Variants in SETD2 observed in about 807,000 individuals in gnomAD.
SETD2 encodes SET domain containing 2, histone lysine methyltransferase.
A neutral mutation model predicts 242.1 loss-of-function variants in SETD2; 31 were observed. The observed-to-expected ratio is 0.13, with a 90% CI of 0.10 to 0.17. SETD2 has a LOEUF of 0.17. Among genes scored for constraint, SETD2 ranks in the 10% least tolerant of loss-of-function variants. The pLI, the probability that SETD2 is intolerant of heterozygous loss-of-function variation, is 1.00. For synonymous variants in SETD2, 1,006 were observed against 1,066.5 expected, an observed-to-expected ratio of 0.94 and a Z score of 1.11; for missense variants, 2,481 against 3,046.3, an observed-to-expected ratio of 0.81 and a Z score of 4.37.
At position 47,120,515 on chromosome 3, in the gene SETD2, C is replaced by T. The variant is rs762222123; in HGVS notation, c.4121G>A (p.Ser1374Asn). Reference sequence around the variant, plus strand: ...AGCTAAAGTGTCCTTAATGGAATTGCTGCTTATTTCAGGTGCTTGCACTGA... The same window carrying T: ...AGCTAAAGTGTCCTTAATGGAATTGTTGCTTATTTCAGGTGCTTGCACTGA... ...KGSVQAPEISSNSIKDTLAVN... is the reference protein window; with the variant it reads ...KGSVQAPEISNNSIKDTLAVN... Residue 1374 changes from serine (S) to asparagine (N), a missense_variant, in exon 3 of 21, where the codon AGC (serine) becomes AAC (asparagine). By Grantham distance (46) the Ser-to-Asn change is conservative. Transcript: ENST00000409792. 6 of 1,613,832 alleles carry T rather than the reference C, an allele frequency of 3.7e-6. No homozygotes were observed. Among genetic ancestry groups the T allele is most frequent in the African/African-American group, 2.7e-5 (2 of 74,950 alleles).
In SETD2 at chr3:47,106,135, G is replaced by A. The variant is rs764282436; in HGVS notation, c.4716-15C>T. On this transcript the variant is annotated splice_polypyrimidine_tract_variant and intron_variant, in intron 5 of 20. Transcript: ENST00000409792. ...CAAAGGTGTTCCTGCAAACCAAAAG[G>A]AAAAAAATAGCACTTCCTACCTAGG... 3.1e-6 allele frequency: 5 copies of A among 1,603,182 alleles called. No homozygotes were observed. The African/African-American group carries it at 4.0e-5, about 13-fold the overall frequency.
At chr3:47,067,926 A>G (rs1422586513) in intron 12 of SETD2, among the ~76,000 whole-genome samples, 1 of 152,236 alleles carries the variant, frequency 6.6e-6, no homozygotes, top group East Asian at 1.9e-4. Flanking sequence ...TAAAAAATAT[A>G]AAGGATAAGC....
At chr3:47,135,439 C>A (rs2043569639) in intron 1 of SETD2, among the ~76,000 whole-genome samples, 1 of 152,130 alleles carries the variant, frequency 6.6e-6, no homozygotes, top group Non-Finnish European at 1.5e-5. Context: ...TTACGTCCAG[C>A]TAATTTTTAT....
At chr3:47,143,990 A>G (rs1575841982) in intron 1 of SETD2, among the ~76,000 whole-genome samples, 1 of 152,130 alleles carries the variant, frequency 6.6e-6, no homozygotes, top group Non-Finnish European at 1.5e-5. Flanking sequence ...GATTACAGGC[A>G]TGAGCCACTG....
chr3:47,127,042 AG>A (rs886232678), intron 1 of SETD2, among the ~76,000 whole-genome samples: 7 of 152,334 alleles, frequency 4.6e-5, no homozygotes, highest in Middle Eastern at 3.4e-3. Context: ...AACTCAGTTT[AG>A]TGGGAAAATA....
At chr3:47,078,572 T>C (rs1414595962) in intron 12 of SETD2, among the ~76,000 whole-genome samples, 1 of 136,966 alleles carries the variant, frequency 7.3e-6, no homozygotes, top group African/African-American at 2.7e-5. Flanking sequence ...TGTGAACAAC[T>C]GGCAAAATCT....
chr3:47,071,404 A>G (rs551844464), intron 12 of SETD2, among the ~76,000 whole-genome samples: 5 of 152,322 alleles, frequency 3.3e-5, no homozygotes, highest in African/African-American at 1.2e-4. Context: ...GAATGGACCA[A>G]CAAGTGAAAT....
At chr3:47,054,090 C>G (rs975778171) in intron 15 of SETD2, among the ~76,000 whole-genome samples, 2 of 152,160 alleles carry the variant, frequency 1.3e-5, no homozygotes, top group African/African-American at 4.8e-5. Context: ...AGCCCAGTAT[C>G]ATCTGATCAA....
At chr3:47,106,527 G>C (rs1174075087) in intron 5 of SETD2, among the ~76,000 whole-genome samples, 1 of 95,138 alleles carries the variant, frequency 1.1e-5, no homozygotes, top group Non-Finnish European at 2.0e-5. Context: ...AAAAAAAAAA[G>C]GCAGCCGGGC....
chr3:47,138,330 C>A, intron 1 of SETD2: 1 of 251,100 alleles, frequency 4.0e-6, no homozygotes, highest in Non-Finnish European at 8.3e-6. Context: ...AGTACAGTGG[C>A]GCGATCTCAG....
chr3:47,084,281 A>G lies in SETD2; in HGVS notation c.5499T>C (p.Ala1833=). The change falls in exon 12 of 21, where the codon GCT becomes GCC. Residue 1833 remains alanine, a synonymous_variant. Coordinates refer to ENST00000409792, the MANE Select transcript of SETD2 (RefSeq NM_014159.7). The stretch of plus-strand genomic sequence containing the variant: ...CATCTCCTTCACTCAACGGAGGGAC[A>G]GCAGTCTTAGTCTGAGACCAGCGTT... ...IIQRWSQTKT[A]VPPLSEGDGY... 2.5e-6 allele frequency: 4 copies of G among 1,614,080 alleles called. No individual in the cohort carries two copies. The highest frequency in any genetic ancestry group is 3.4e-6 in the Non-Finnish European group (4 of 1,179,950).
chr3:47,120,178 T>C lies in SETD2; in HGVS notation c.4454+4A>G, dbSNP rs2107738764. 1 of 1,521,122 alleles carries C rather than the reference T, an allele frequency of 6.6e-7. No individual in the cohort carries two copies. The highest frequency in any genetic ancestry group is 8.8e-7 in the Non-Finnish European group (1 of 1,132,514). 94.2% of individuals were successfully genotyped at this position (1,521,122 alleles called of 1,614,324 possible). On this transcript the variant is annotated splice_donor_region_variant and intron_variant, in intron 3 of 20. Transcript: ENST00000409792. ...TTTGTCAAACAAGTATTAATTAGAC[T>C]TACCTTTCTGTTAAATAAACATTTT...
chr3:47,045,080 T>C (rs746486784), intron 16 of SETD2, among the ~76,000 whole-genome samples: 32 of 152,300 alleles, frequency 2.1e-4, no homozygotes, highest in African/African-American at 2.9e-4. Flanking sequence ...TACTGATAGA[T>C]AGCTGGTCTA....
At chr3:47,127,627 C>T (rs969703519) in intron 1 of SETD2, 8 of 412,088 alleles carry the variant, frequency 1.9e-5, no homozygotes, top group East Asian at 7.8e-5. Flanking sequence ...TTTGGGAGGC[C>T]GAGGTGGGCA....
intron 1 of SETD2, chr3:47,127,639 A>C: frequency 2.5e-6 from 1 of 402,522 alleles, no homozygotes; most frequent in South Asian, 1.8e-5. Context: ...AGGTGGGCAG[A>C]CCACCTGAGG....
At chr3:47,065,718 G>A (rs964647548) in intron 13 of SETD2, among the ~76,000 whole-genome samples, 4 of 152,170 alleles carry the variant, frequency 2.6e-5, no homozygotes, top group Admixed American at 2.6e-4. Context: ...CAAGAGGATT[G>A]CCTGAGCCCA....
At chr3:47,101,818 T>C (rs897808687) in intron 7 of SETD2, among the ~76,000 whole-genome samples, 7 of 151,948 alleles carry the variant, frequency 4.6e-5, no homozygotes, top group African/African-American at 7.3e-5. Context: ...TAAAAGTAAC[T>C]GCTAAAAAAA....
intron 1 of SETD2, among the ~76,000 whole-genome samples, chr3:47,148,288 G>A (rs972495077): frequency 1.3e-5 from 2 of 151,862 alleles, no homozygotes; most frequent in Non-Finnish European, 1.5e-5. Context: ...CCACTGCCAC[G>A]CCGGGCTAAT....
intron 1 of SETD2, among the ~76,000 whole-genome samples, chr3:47,140,279 G>A (rs886696304): frequency 2.0e-5 from 3 of 152,128 alleles, no homozygotes; most frequent in African/African-American, 7.2e-5. Flanking sequence ...CCTACCTAAA[G>A]TGAATGATAT....
Sources: allele counts gnomAD v4.1 joint callset (sites outside exome capture counted in the v4.1 genomes callset), GRCh38; gene constraint gnomAD v4.1.1; transcripts MANE v1.5; gene names NCBI Gene and HGNC (gene_info 2026-07-23, HGNC 2026-07-21).